Variants in GNAS-AS1 observed in about 807,000 individuals in gnomAD.
GNAS-AS1 encodes GNAS antisense RNA 1 (non-protein coding).
intron 4 of GNAS-AS1, among the ~76,000 whole-genome samples, chr20:58,828,004 T>C (rs1423024681): frequency 6.6e-6 from 1 of 152,262 alleles, no homozygotes; most frequent in African/African-American, 2.4e-5. Context: ...AGTCACAGTG[T>C]AGACATCTTG....
intron 2 of GNAS-AS1, among the ~76,000 whole-genome samples, chr20:58,845,715 A>G (rs1378907045): frequency 6.6e-6 from 1 of 152,188 alleles, no homozygotes; most frequent in Non-Finnish European, 1.5e-5. Flanking sequence ...AAACGCCTCC[A>G]ATAGCTATGC....
chr20:58,842,453 G>C, exon 3 of GNAS-AS1: 1 of 398,630 alleles, frequency 2.5e-6, no homozygotes, highest in East Asian at 3.6e-5. Flanking sequence ...CTTCCTTCCA[G>C]GACCTATTCC....
rs6015385 is a variant in GNAS-AS1 at position 58,837,187 on chromosome 20, C to G, written n.819+4750G>C. On this transcript the variant is annotated intron_variant and non_coding_transcript_variant, in intron 4 of 4. Transcript: ENST00000424094. ...TTCCTGATTTTTCCCCCAACGTGCCCTGAAATCAGCTTGAATAATATATTT... is the reference window on the plus strand; with the variant it reads ...TTCCTGATTTTTCCCCCAACGTGCCGTGAAATCAGCTTGAATAATATATTT... Among the ~76,000 whole-genome samples the G allele has an allele frequency of 1.1e-4, 17 of 152,250 alleles. 1 individual carries two copies. In the South Asian group the frequency reaches 3.3e-3, roughly 30 times the overall value.
chr20:58,840,021 T>C lies in GNAS-AS1; in HGVS notation n.819+1916A>G. 1 of 1,501,370 alleles carries C rather than the reference T, an allele frequency of 6.7e-7. No homozygotes were observed. The highest frequency in any genetic ancestry group is 2.3e-5 in the East Asian group (1 of 44,352). The allele number at this position is 1,501,370 out of a possible 1,614,324, so 93.0% of individuals were successfully genotyped here. A position where few individuals can be genotyped will look rare whatever the true frequency, so the allele number is the denominator to read the frequency against. On this transcript the variant is annotated intron_variant and non_coding_transcript_variant, in intron 4 of 4. Coordinates refer to ENST00000424094, the Ensembl canonical transcript of GNAS-AS1. This position sits in a 1 kb window ranked among gnomAD's most constrained non-coding sequence, Gnocchi z 6.0. ...GCTTCTCACCTCATAGGGTGTACCT[T>C]TCCCGGCTCCAGCAGCCAATGTGCT...
Position 58,841,523 on chromosome 20 carries a change from C to T in GNAS-AS1, n.819+414G>A, listed in dbSNP as rs2085727557. Reference sequence around the variant, plus strand: ...AAGCCGCGGGACCTCCGCGCCAGTGCCTCCAGCTGCCGTGCGCCAGCCTTG... The same window carrying T: ...AAGCCGCGGGACCTCCGCGCCAGTGTCTCCAGCTGCCGTGCGCCAGCCTTG... On this transcript the variant is annotated intron_variant and non_coding_transcript_variant, in intron 4 of 4. Coordinates refer to ENST00000424094, the Ensembl canonical transcript of GNAS-AS1. The surrounding 1 kb of genome is among the most constrained non-coding windows in gnomAD (Gnocchi z 5.0). 2.0e-6 allele frequency: 2 copies of T among 993,832 alleles called. No individual in the cohort carries two copies. The highest frequency in any genetic ancestry group is 2.4e-6 in the Non-Finnish European group (2 of 835,928). The allele number at this position is 993,832 out of a possible 1,614,324, so 61.6% of individuals were successfully genotyped here. A position where few individuals can be genotyped will look rare whatever the true frequency, so the allele number is the denominator to read the frequency against.
intron 2 of GNAS-AS1, among the ~76,000 whole-genome samples, chr20:58,848,061 T>C (rs1285209552): frequency 1.3e-5 from 2 of 152,232 alleles, no homozygotes; most frequent in African/African-American, 4.8e-5. Context: ...GGGTTCCATA[T>C]TTTCAAAACG....
rs982235893 is a variant in GNAS-AS1 at position 58,841,095 on chromosome 20, T to C, written n.819+842A>G. 1.3e-5 allele frequency among the ~76,000 whole-genome samples: 2 copies of C among 152,006 alleles called. No individual in the cohort carries two copies. The highest frequency in any genetic ancestry group is 4.8e-5 in the African/African-American group (2 of 41,426). Reference sequence around the variant, plus strand: ...GGGCGCCCTGGTGGCCAAAGGCTTGTTGGACGGCGGGGCGCACGCCGTGCG... The same window carrying C: ...GGGCGCCCTGGTGGCCAAAGGCTTGCTGGACGGCGGGGCGCACGCCGTGCG... On this transcript the variant is annotated intron_variant and non_coding_transcript_variant, in intron 4 of 4. Coordinates refer to ENST00000424094, the Ensembl canonical transcript of GNAS-AS1. The surrounding 1 kb of genome is among the most constrained non-coding windows in gnomAD (Gnocchi z 5.0).
chr20:58,825,819 G>A (rs2085515980), intron 4 of GNAS-AS1, among the ~76,000 whole-genome samples: 1 of 152,176 alleles, frequency 6.6e-6, no homozygotes, highest in South Asian at 2.1e-4. Flanking sequence ...GAGCTGTGGG[G>A]CATCCTAGCC....
intron 2 of GNAS-AS1, among the ~76,000 whole-genome samples, chr20:58,848,578 C>T (rs559410413): frequency 4.6e-5 from 7 of 152,288 alleles, no homozygotes; most frequent in African/African-American, 7.2e-5. Flanking sequence ...AGGCCCCAGA[C>T]GATGCTGCCC....
At chr20:58,820,254 T>TGA (rs1378914738) in intron 4 of GNAS-AS1, among the ~76,000 whole-genome samples, 10 of 152,226 alleles carry the variant, frequency 6.6e-5, no homozygotes, top group Admixed American at 6.5e-4. Flanking sequence ...CTTTCTCACC[T>TGA]ATCAAGAAAT....
intron 4 of GNAS-AS1, among the ~76,000 whole-genome samples, chr20:58,824,505 C>A (rs1414939965): frequency 1.3e-5 from 2 of 152,182 alleles, no homozygotes; most frequent in Non-Finnish European, 2.9e-5. Context: ...GCAGGCCCAC[C>A]CCCAAATGCC....
chr20:58,830,208 CCACCACCACCA>C (rs2085545945), intron 4 of GNAS-AS1, among the ~76,000 whole-genome samples: 2 of 125,382 alleles, frequency 1.6e-5, no homozygotes, highest in South Asian at 5.3e-4. Context: ...ACCATCATCA[CCACCACCACCA>C]CACCACCATC....
chr20:58,835,008 A>G (rs1288435920), intron 4 of GNAS-AS1, among the ~76,000 whole-genome samples: 1 of 152,160 alleles, frequency 6.6e-6, no homozygotes, highest in Non-Finnish European at 1.5e-5. Context: ...AATTGATATC[A>G]GCGCAGTCTG....
rs761520412 is a variant in GNAS-AS1 at position 58,840,490 on chromosome 20, G to A, written n.819+1447C>T. The A allele has an allele frequency of 1.9e-5, 30 of 1,613,180 alleles. No individual in the cohort carries two copies. The highest frequency in any genetic ancestry group is 2.5e-5 in the Non-Finnish European group (29 of 1,179,796). On this transcript the variant is annotated intron_variant and non_coding_transcript_variant, in intron 4 of 4. Transcript: ENST00000424094. This position sits in a 1 kb window ranked among gnomAD's most constrained non-coding sequence, Gnocchi z 6.0. ...AGTCCGAGACCGACTTCGAGACCGA[G>A]CCTGAGACCGCCCCCACCACTGAGC...
intron 2 of GNAS-AS1, among the ~76,000 whole-genome samples, chr20:58,844,755 G>A (rs1432106346): frequency 6.6e-6 from 1 of 151,130 alleles, no homozygotes; most frequent in Non-Finnish European, 1.5e-5. Flanking sequence ...TAGGTATCGC[G>A]CCATTGCACT....
At chr20:58,839,011 G>C in intron 4 of GNAS-AS1, 1 of 397,496 alleles carries the variant, frequency 2.5e-6, no homozygotes, top group Non-Finnish European at 4.4e-6. Context: ...CCCCGCAGGA[G>C]AGAAGTGGTT....
intron 4 of GNAS-AS1, chr20:58,839,595 C>G: frequency 4.9e-6 from 2 of 410,590 alleles, no homozygotes; most frequent in Non-Finnish European, 8.6e-6. Flanking sequence ...AGGTTCCCTC[C>G]TGCCACCTGC....
intron 4 of GNAS-AS1, among the ~76,000 whole-genome samples, chr20:58,830,842 A>C (rs140356382): frequency 2.6e-4 from 40 of 151,770 alleles, no homozygotes; most frequent in African/African-American, 9.2e-4. Context: ...CTGGTTTCTC[A>C]CCTCCAAACT....
At chr20:58,837,786 A>G (rs2085615247) in intron 4 of GNAS-AS1, among the ~76,000 whole-genome samples, 1 of 152,230 alleles carries the variant, frequency 6.6e-6, no homozygotes, top group African/African-American at 2.4e-5. Flanking sequence ...AGTGCAAGAT[A>G]CAAGCTAGAC....
Sources: allele counts gnomAD v4.1 joint callset (sites outside exome capture counted in the v4.1 genomes callset), GRCh38; gene constraint gnomAD v4.1.1; non-coding constraint Gnocchi (gnomAD v3.1); transcripts MANE v1.5; gene names NCBI Gene and HGNC (gene_info 2026-07-23, HGNC 2026-07-21).